Variants in EPHX4 observed in about 807,000 individuals in gnomAD.
EPHX4 encodes the protein epoxide hydrolase 4.
Under a neutral mutation model 44.9 loss-of-function variants are expected in EPHX4, and 31 were observed. That is an observed-to-expected ratio of 0.69 (90% CI 0.52 to 0.93). The LOEUF (loss-of-function observed/expected upper bound fraction) is 0.93. Among genes scored for constraint, EPHX4 ranks in the 40% least tolerant of loss-of-function variants. The pLI is 0.00. For synonymous variants in EPHX4, 151 were observed against 159.7 expected (o/e 0.95, Z 0.41); for missense variants, 373 against 438.1 (o/e 0.85, Z 1.33).
At chr1:92,053,813 T>G (rs1168449557) in intron 6 of EPHX4, among the ~76,000 whole-genome samples, 1 of 152,128 alleles carries the variant, frequency 6.6e-6, no homozygotes, top group East Asian at 1.9e-4. Context: ...AGTCATGAAT[T>G]TTATTGATCT....
At chr1:92,058,715 T>C (rs941005312) in intron 6 of EPHX4, among the ~76,000 whole-genome samples, 18 of 152,202 alleles carry the variant, frequency 1.2e-4, no homozygotes, top group East Asian at 3.9e-4. Context: ...CAAGGGTGTT[T>C]TGCACTGGTT....
At chr1:92,046,660 C>T (rs983786740) in intron 4 of EPHX4, among the ~76,000 whole-genome samples, 10 of 152,198 alleles carry the variant, frequency 6.6e-5, no homozygotes, top group Admixed American at 5.9e-4. Context: ...GACAGGGTTT[C>T]GCCGTGCTGG....
At position 92,048,342 on chromosome 1, in the gene EPHX4, A is replaced by T. The variant is rs74469133; in HGVS notation, c.605-1975A>T. On this transcript the variant is annotated intron_variant, in intron 4 of 6. Coordinates refer to ENST00000370383, the MANE Select transcript of EPHX4 (RefSeq NM_173567.5). ...GTTCAATTGATCAGGACCCAAGAGT[A>T]AATCTTATTTTGGTGGTGGTGCTAT... Among the ~76,000 whole-genome samples the T allele has an allele frequency of 5.6e-3, 856 of 152,304 alleles. 8 individuals are homozygous for T. Among genetic ancestry groups the T allele is most frequent in the African/African-American group, 0.02 (811 of 41,578 alleles).
chr1:92,032,666 C>G (rs1194854388), intron 2 of EPHX4, 76 bp downstream of exon 2: 15 of 1,131,620 alleles, frequency 1.3e-5, no homozygotes, highest in Middle Eastern at 1.9e-4. Context: ...GCTGCTGTAA[C>G]AGAATATCAC....
chr1:92,038,405 T>A (rs1688469555), intron 2 of EPHX4, among the ~76,000 whole-genome samples: 1 of 152,204 alleles, frequency 6.6e-6, no homozygotes, highest in East Asian at 1.9e-4. Flanking sequence ...GGGACAAAAG[T>A]CCTACTGCAC....
intron 4 of EPHX4, among the ~76,000 whole-genome samples, chr1:92,047,298 A>C (rs1237390194): frequency 6.6e-6 from 1 of 152,064 alleles, no homozygotes; most frequent in Non-Finnish European, 1.5e-5. Flanking sequence ...AGTCCCAGCT[A>C]CCTGGGGGGC....
At chr1:92,033,102 G>T (rs1306661048) in intron 2 of EPHX4, among the ~76,000 whole-genome samples, 2 of 148,508 alleles carry the variant, frequency 1.3e-5, no homozygotes, top group Non-Finnish European at 3.0e-5. Flanking sequence ...TTTTTTGGAG[G>T]TGGGATCTTG....
chr1:92,037,139 G>T (rs576462303), intron 2 of EPHX4, among the ~76,000 whole-genome samples: 20 of 151,910 alleles, frequency 1.3e-4, no homozygotes, highest in African/African-American at 4.6e-4. Flanking sequence ...ATTAAGTTTT[G>T]CTTAAATACA....
chr1:92,049,864 C>T (rs1164009262), intron 4 of EPHX4, among the ~76,000 whole-genome samples: 1 of 151,952 alleles, frequency 6.6e-6, no homozygotes, highest in Non-Finnish European at 1.5e-5. Context: ...TTTGGGAGGC[C>T]GAGGTGGGCA....
chr1:92,050,287 A>G, intron 4 of EPHX4, 30 bp from the exon 5 acceptor site: 4 of 1,379,912 alleles, frequency 2.9e-6, no homozygotes, highest in Non-Finnish European at 4.1e-6. Flanking sequence ...TACCCCTTGG[A>G]TAAGGTCTAA....
At chr1:92,031,249 G>A (rs775961572) in intron 1 of EPHX4, among the ~76,000 whole-genome samples, 2 of 152,162 alleles carry the variant, frequency 1.3e-5, no homozygotes, top group Non-Finnish European at 2.9e-5. Flanking sequence ...CATAGTCAGT[G>A]CAATAAAGTA....
chr1:92,060,434 C>T (rs980551925), intron 6 of EPHX4, among the ~76,000 whole-genome samples: 1 of 147,536 alleles, frequency 6.8e-6, no homozygotes. Flanking sequence ...ACGTCAAGAC[C>T]CTGTCTCAAA....
chr1:92,030,487 A>AGT (rs1426069668), intron 1 of EPHX4, among the ~76,000 whole-genome samples, 177 bp downstream of exon 1: 36 of 104,636 alleles, frequency 3.4e-4, no homozygotes, highest in Non-Finnish European at 4.1e-4. Flanking sequence ...TGTGTGTGTG[A>AGT]GAGAGAGAGA....
chr1:92,046,880 C>T (rs903950418), intron 4 of EPHX4, among the ~76,000 whole-genome samples: 7 of 152,130 alleles, frequency 4.6e-5, no homozygotes, highest in African/African-American at 1.7e-4. Flanking sequence ...TTATCCATGC[C>T]TGGTTTTGTA....
At chr1:92,037,092 A>G (rs1688449849) in intron 2 of EPHX4, among the ~76,000 whole-genome samples, 1 of 152,252 alleles carries the variant, frequency 6.6e-6, no homozygotes, top group Non-Finnish European at 1.5e-5. Context: ...AACCAATTTC[A>G]ATTTACATTA....
intron 6 of EPHX4, among the ~76,000 whole-genome samples, chr1:92,057,453 A>G (rs1224810469): frequency 6.6e-6 from 1 of 152,240 alleles, no homozygotes; most frequent in Admixed American, 6.5e-5. Context: ...TAAGAAAAAC[A>G]TAACTTATCC....
At chr1:92,045,123 T>C (rs1017366948) in intron 3 of EPHX4, among the ~76,000 whole-genome samples, 1 of 152,026 alleles carries the variant, frequency 6.6e-6, no homozygotes, top group African/African-American at 2.4e-5. Context: ...CCACCACACC[T>C]GGATAATTTC....
At chr1:92,055,226 T>C (rs1243060485) in intron 6 of EPHX4, among the ~76,000 whole-genome samples, 1 of 152,202 alleles carries the variant, frequency 6.6e-6, no homozygotes, top group Non-Finnish European at 1.5e-5. Flanking sequence ...TATATATTAA[T>C]ATTGCCAGTT....
chr1:92,042,724 CAAAA>C (rs66834073), intron 2 of EPHX4, 95 bp from the exon 3 acceptor site: 2,191 of 686,752 alleles, frequency 3.2e-3, no homozygotes, highest in South Asian at 5.9e-3. Flanking sequence ...AACTCTGTCT[CAAAA>C]AAAAAAAAAA....
Sources: allele counts gnomAD v4.1 joint callset (sites outside exome capture counted in the v4.1 genomes callset), GRCh38; gene constraint gnomAD v4.1.1; transcripts MANE v1.5; gene names NCBI Gene and HGNC (gene_info 2026-07-23, HGNC 2026-07-21).